Variants in ANKS1B observed in about 807,000 individuals in gnomAD.
ANKS1B encodes the protein ankyrin repeat and sterile alpha motif domain containing 1B, also known as ankyrin repeat and sterile alpha motif domain-containing protein 1B.
A neutral mutation model predicts 148.3 loss-of-function variants in ANKS1B; 36 were observed. The observed-to-expected ratio is 0.24, with a 90% CI of 0.19 to 0.32. The LOEUF is 0.32. Among genes scored for constraint, ANKS1B ranks in the 10% least tolerant of loss-of-function variants. ANKS1B has a pLI of 1.00. For missense variants in ANKS1B, 1,157 were observed against 1,542.6 expected (o/e 0.75, Z 4.19); for synonymous variants, 542 against 560.8 (o/e 0.97, Z 0.47).
intron 12 of ANKS1B, among the ~76,000 whole-genome samples, chr12:99,319,068 T>A (rs2084722561): frequency 6.6e-6 from 1 of 152,330 alleles, no homozygotes; most frequent in African/African-American, 2.4e-5. Flanking sequence ...TCTTTTACAC[T>A]TGCTGAGGAG....
intron 15 of ANKS1B, among the ~76,000 whole-genome samples, chr12:99,092,851 C>T (rs1374038418): frequency 1.2e-4 from 19 of 152,176 alleles, no homozygotes; most frequent in Non-Finnish European, 4.4e-5. Flanking sequence ...CTTCACCCAC[C>T]TTATTTATAA....
intron 12 of ANKS1B, among the ~76,000 whole-genome samples, chr12:99,311,386 G>T (rs566230443): frequency 3.9e-5 from 6 of 152,130 alleles, no homozygotes; most frequent in Non-Finnish European, 8.8e-5. Context: ...TAAATGGAAC[G>T]CTGGATGTAT....
At chr12:99,715,879 CAAAG>C (rs2057254648) in intron 8 of ANKS1B, among the ~76,000 whole-genome samples, 1 of 152,196 alleles carries the variant, frequency 6.6e-6, no homozygotes, top group Non-Finnish European at 1.5e-5. Flanking sequence ...CTGGTAGAAA[CAAAG>C]AAGACACATT....
intron 1 of ANKS1B, among the ~76,000 whole-genome samples, chr12:99,953,397 G>A (rs538573810): frequency 6.6e-6 from 1 of 152,312 alleles, no homozygotes; most frequent in Non-Finnish European, 1.5e-5. Flanking sequence ...TGAAGTTTAA[G>A]AGAGTTGTTT....
chr12:99,461,065 T>TATAC (rs1555442770), intron 10 of ANKS1B, among the ~76,000 whole-genome samples: 1 of 141,070 alleles, frequency 7.1e-6, no homozygotes, highest in Non-Finnish European at 1.5e-5. Context: ...TATATATATA[T>TATAC]ACACATACAC....
chr12:99,765,528 T>C (rs569143537), intron 8 of ANKS1B, among the ~76,000 whole-genome samples: 7 of 152,338 alleles, frequency 4.6e-5, no homozygotes, highest in African/African-American at 1.4e-4. Flanking sequence ...CACTGAATTC[T>C]ATGTTTTTAC....
chr12:99,406,887 T>C (rs1221423394), intron 11 of ANKS1B, among the ~76,000 whole-genome samples: 1 of 145,330 alleles, frequency 6.9e-6, no homozygotes, highest in East Asian at 1.9e-4. Context: ...GAGCAAGCAG[T>C]AGTCTCCCAG....
In ANKS1B at chr12:99,516,769, CTG is replaced by C. The variant is rs531177235; in HGVS notation, c.1273-12130_1273-12129del. 2.0e-4 allele frequency among the ~76,000 whole-genome samples: 31 copies of C among 152,056 alleles called. No homozygotes were observed. In the South Asian group the frequency reaches 3.9e-3, roughly 19 times the overall value. Reference sequence around the variant, plus strand: ...ATAAAATTAATTTAAAAAAAAAAGACTGTTTTTTTCCCAATGTATGTTCTTGG... The same window carrying C: ...ATAAAATTAATTTAAAAAAAAAAGACTTTTTTTCCCAATGTATGTTCTTGG... On this transcript the variant is annotated intron_variant, in intron 9 of 26. Transcript: ENST00000683438.
At chr12:98,746,309 G>T (rs2097891550) in intron 26 of ANKS1B, among the ~76,000 whole-genome samples, 1 of 152,076 alleles carries the variant, frequency 6.6e-6, no homozygotes, top group African/African-American at 2.4e-5. Flanking sequence ...CTGCCCACCT[G>T]ATTTTTCTGC....
At chr12:99,359,478 TA>T (rs1408461236) in intron 12 of ANKS1B, among the ~76,000 whole-genome samples, 1 of 152,042 alleles carries the variant, frequency 6.6e-6, no homozygotes, top group African/African-American at 2.4e-5. Flanking sequence ...GCCAAGAGCA[TA>T]AAAAATACAG....
At chr12:99,734,484 G>A (rs915198500) in intron 8 of ANKS1B, among the ~76,000 whole-genome samples, 5 of 151,956 alleles carry the variant, frequency 3.3e-5, no homozygotes, top group African/African-American at 1.2e-4. Flanking sequence ...AGTAGAAATG[G>A]GGTTTCATCA....
At chr12:99,207,181 A>T (rs1336102134) in intron 14 of ANKS1B, among the ~76,000 whole-genome samples, 1 of 152,180 alleles carries the variant, frequency 6.6e-6, no homozygotes, top group African/African-American at 2.4e-5. Context: ...TCAATATACC[A>T]AAGTGACATA....
chr12:98,767,006 A>C (rs995882798), intron 25 of ANKS1B, among the ~76,000 whole-genome samples: 6 of 146,782 alleles, frequency 4.1e-5, no homozygotes, highest in African/African-American at 1.5e-4. Flanking sequence ...TTTTGCAGAC[A>C]TGGGGTTGCC....
chr12:98,854,318 A>G (rs2099549860), intron 17 of ANKS1B, among the ~76,000 whole-genome samples: 1 of 152,230 alleles, frequency 6.6e-6, no homozygotes, highest in Admixed American at 6.5e-5. Flanking sequence ...AACAATTTAC[A>G]TATTTTGGGG....
rs2082104695 is a variant in ANKS1B, at chr12:99,818,180, A to AT, written c.216-5870dup. On this transcript the variant is annotated intron_variant, in intron 2 of 26. Coordinates refer to ENST00000683438, the MANE Select transcript of ANKS1B (RefSeq NM_001352186.2). ...ACAAATGCAAAAATAGACAAATGGG[A>AT]TTACATCAAGCTTAAAAGCTTCTAC... Among the ~76,000 whole-genome samples the AT allele has an allele frequency of 2.0e-5, 3 of 151,870 alleles. No homozygotes were observed. In the South Asian group the frequency reaches 6.2e-4, roughly 31 times the overall value.
At chr12:99,125,980 T>G (rs1319218830) in intron 15 of ANKS1B, among the ~76,000 whole-genome samples, 2 of 152,156 alleles carry the variant, frequency 1.3e-5, no homozygotes, top group South Asian at 2.1e-4. Context: ...AATACAATGC[T>G]AGAACACTTT....
intron 6 of ANKS1B, among the ~76,000 whole-genome samples, chr12:99,776,847 A>T (rs1260463719): frequency 6.7e-6 from 1 of 150,150 alleles, no homozygotes; most frequent in African/African-American, 2.4e-5. Context: ...CACCCGGCTC[A>T]TTTTTTTTTG....
chr12:99,019,123 G>T (rs570709839), intron 17 of ANKS1B, among the ~76,000 whole-genome samples: 121 of 152,204 alleles, frequency 7.9e-4, no homozygotes, highest in South Asian at 2.5e-3. Context: ...CTTTGAGGTT[G>T]TATGCTCTTA....
intron 1 of ANKS1B, among the ~76,000 whole-genome samples, chr12:99,917,031 A>G (rs926285847): frequency 5.3e-5 from 8 of 152,244 alleles, no homozygotes; most frequent in Admixed American, 2.0e-4. Flanking sequence ...CAGTTTGAGT[A>G]GCACTGTTCT....
Sources: allele counts gnomAD v4.1 joint callset (sites outside exome capture counted in the v4.1 genomes callset), GRCh38; gene constraint gnomAD v4.1.1; transcripts MANE v1.5; gene names NCBI Gene and HGNC (gene_info 2026-07-23, HGNC 2026-07-21).